Variants in CASKIN1 observed in about 807,000 individuals in gnomAD.
The protein encoded by CASKIN1 is CASK interacting protein 1, also known as caskin-1.
A neutral mutation model predicts 117.5 loss-of-function variants in CASKIN1; 42 were observed. That is an observed-to-expected ratio of 0.36 (90% CI 0.28 to 0.46). CASKIN1 has a LOEUF of 0.46. Ranked by LOEUF, CASKIN1 falls within the 20% of genes least tolerant of loss-of-function variation. CASKIN1 has a pLI of 1.00. For missense variants in CASKIN1, 2,083 were observed against 2,077.3 expected, an observed-to-expected ratio of 1.00 and a Z score of -0.05; for synonymous variants, 1,148 against 961.7, an observed-to-expected ratio of 1.19 and a Z score of -3.59.
intron 3 of CASKIN1, 37 bp downstream of exon 3, chr16:2,190,036 G>GCCCCCC: frequency 1.5e-6 from 1 of 679,794 alleles, no homozygotes; most frequent in Non-Finnish European, 2.6e-6. Flanking sequence ...CGCTGCCCCC[G>GCCCCCC]CCCCTGCCCC....
At position 2,190,408 on chromosome 16, in the gene CASKIN1, G is replaced by T. The variant is rs2093198448; in HGVS notation, c.95-50C>A. 2.0e-6 allele frequency: 3 copies of T among 1,526,556 alleles called. No individual in the cohort carries two copies. The East Asian group carries it at 7.3e-5, about 37-fold the overall frequency. 94.6% of individuals were successfully genotyped at this position (1,526,556 alleles called of 1,614,324 possible). On this transcript the variant is annotated intron_variant, in intron 1 of 19. Coordinates refer to ENST00000343516, the MANE Select transcript of CASKIN1 (RefSeq NM_020764.4). ...AGGGGAGGCTGTGCCAGCCCCTCCA[G>T]GCGGCCTGAGGGCAGGGAGAGGGGG...
chr16:2,180,945 G>A lies in CASKIN1; in HGVS notation c.2423C>T (p.Pro808Leu), dbSNP rs199591799. The change falls in exon 18 of 20, where the codon CCG becomes CTG. Residue 808 changes from proline (P) to leucine (L), a missense_variant. Pro to Leu is a moderately conservative substitution (Grantham distance 98). This residue lies in a region of CASKIN1 where 1,818 missense variants were observed against 1,688.9 expected (regional missense o/e 1.08). Transcript: ENST00000343516. ...GCGCTCTGTCGGCGGCAGCAGCTGC[G>A]GGGTGGGCTTCACCTTGGCCGTAGC... ...APATAKVKPT[P>L]QLLPPTERPM... 6.7e-5 allele frequency: 98 copies of A among 1,464,008 alleles called. No individual in the cohort carries two copies. The African/African-American group carries it at 1.1e-3, about 17-fold the overall frequency. The allele number at this position is 1,464,008 out of a possible 1,614,324, so 90.7% of individuals were successfully genotyped here. A position where few individuals can be genotyped will look rare whatever the true frequency, so the allele number is the denominator to read the frequency against.
In CASKIN1 at chr16:2,183,699, C is replaced by G. The variant is rs368872259; in HGVS notation, c.1576G>C (p.Ala526Pro). Residue 526 changes from alanine (A) to proline (P), a missense_variant, in exon 16 of 20, where the codon GCG becomes CCG. Physicochemically the swap from Ala to Pro is conservative, Grantham distance 27. Around this residue, in one of 3 missense-constraint regions of CASKIN1, gnomAD observed 1,818 missense variants for 1,688.9 expected, o/e 1.08. Coordinates refer to ENST00000343516, the MANE Select transcript of CASKIN1 (RefSeq NM_020764.4). ...ATGCTTAGGCCGCTGATCTCTGCCG[C>G]GATCTTCTTCCGGTGGCCCGGCTTG... ...VTKPGHRKKI[A>P]AEISGLSIPD... is the part of the protein sequence containing the mutation. The G allele has an allele frequency of 6.2e-7, 1 of 1,613,372 alleles. No individual in the cohort carries two copies.
At chr16:2,193,927 G>A (rs1377908815) in intron 1 of CASKIN1, among the ~76,000 whole-genome samples, 1 of 152,190 alleles carries the variant, frequency 6.6e-6, no homozygotes, top group Admixed American at 6.5e-5. Flanking sequence ...CCTGGAAACG[G>A]GTTCTCTGGA....
intron 10 of CASKIN1, among the ~76,000 whole-genome samples, chr16:2,185,692 G>T (rs762362808): frequency 8.5e-5 from 13 of 152,222 alleles, no homozygotes; most frequent in Non-Finnish European, 1.8e-4. Context: ...ACTGGGGAGT[G>T]GGGGGCAGGC....
intron 19 of CASKIN1, 30 bp downstream of exon 19, chr16:2,178,872 T>A (rs977256592): frequency 7.4e-7 from 1 of 1,354,676 alleles, no homozygotes; most frequent in African/African-American, 1.7e-5. Context: ...AGCCCCGCCC[T>A]CCGCCCGCCA....
intron 6 of CASKIN1, among the ~76,000 whole-genome samples, chr16:2,188,383 C>G (rs1289423013): frequency 2.0e-5 from 3 of 150,812 alleles, no homozygotes; most frequent in Non-Finnish European, 4.4e-5. Context: ...CAGGGTCTTG[C>G]TGTGTCACCC....
chr16:2,178,740 G>A (rs1283846231), intron 19 of CASKIN1, 94 bp from the exon 20 acceptor site: 1 of 1,352,646 alleles, frequency 7.4e-7, no homozygotes, highest in Non-Finnish European at 9.7e-7. Context: ...ATCTCCGTCG[G>A]CTTCCGCCTA....
At position 2,183,799 on chromosome 16, in the gene CASKIN1, C is replaced by G. The variant is rs749082953; in HGVS notation, c.1527+32G>C. 1.1e-5 allele frequency: 18 copies of G among 1,611,648 alleles called. 1 individual carries two copies. The Admixed American group carries it at 1.5e-4, about 13-fold the overall frequency. ...AGGGGCTGGGCCCATCTGTGGGACG[C>G]AGCTGGCGCTGGCGGCGCATGGAAA... On this transcript the variant is annotated intron_variant, in intron 15 of 19. Coordinates refer to ENST00000343516, the MANE Select transcript of CASKIN1 (RefSeq NM_020764.4).
chr16:2,187,182 G>A lies in CASKIN1; in HGVS notation c.819C>T (p.Ile273=), dbSNP rs1241203082. 6.2e-7 allele frequency: 1 copy of A among 1,613,928 alleles called. No individual in the cohort carries two copies. The highest frequency in any genetic ancestry group is 2.2e-5 in the East Asian group (1 of 44,856). ...QFTTSQASRE[I]KQLLREASAA... ...TGGGCCCACCTCGCAACAGCTGCTT[G>A]ATCTCCCTGCTGGCCTGGGACGTGG... Residue 273 remains isoleucine (I), a synonymous_variant, in exon 8 of 20, where the codon ATC becomes ATT. Transcript: ENST00000343516.
chr16:2,180,083 A>G lies in CASKIN1; in HGVS notation c.3285T>C (p.Thr1095=). ...AGGGACCCCGAGGCCGCTGCCGGCC[A>G]GTGCCATCCTCCACAAAGGGGCCTG... The part of the protein sequence containing the change: ...ADPGPFVEDG[T]GRQRPRGPSK... Residue 1095 remains threonine, a synonymous_variant, in exon 18 of 20, where the codon ACT becomes ACC. Transcript: ENST00000343516. 6.4e-7 allele frequency: 1 copy of G among 1,566,928 alleles called. No individual in the cohort carries two copies. Among genetic ancestry groups the G allele is most frequent in the Non-Finnish European group, 8.6e-7 (1 of 1,156,896 alleles).
rs1567260152 is a variant in CASKIN1, at chr16:2,183,644, A to C, written c.1629+2T>G. ...CAGCCCCTGGGATGCAGGTGGCCTT[A>C]CGGGTTTGTGCTCAGGCAGCCAGTC... On this transcript the variant is annotated splice_donor_variant, in intron 16 of 19. Transcript: ENST00000343516. LOFTEE classifies it high-confidence loss of function. 2 of 1,612,636 alleles carry C rather than the reference A, an allele frequency of 1.2e-6. No individual in the cohort carries two copies. Among genetic ancestry groups the C allele is most frequent in the Non-Finnish European group, 1.7e-6 (2 of 1,179,692 alleles).
chr16:2,183,989 C>A (rs2093176115), intron 14 of CASKIN1, 48 bp from the exon 15 acceptor site: 1 of 1,313,388 alleles, frequency 7.6e-7, no homozygotes, highest in African/African-American at 1.5e-5. Context: ...CCGGCCGCGC[C>A]CTGCCACCAC....
chr16:2,196,456 G>C lies in CASKIN1; in HGVS notation c.-24C>G. On this transcript the variant is annotated 5_prime_UTR_variant, in exon 1 of 20. Coordinates refer to ENST00000343516, the MANE Select transcript of CASKIN1 (RefSeq NM_020764.4). The surrounding 1 kb of genome is among the most constrained non-coding windows in gnomAD (Gnocchi z 5.7). ...ATGGCGCGGCCGGGGCCGCAGCGAC[G>C]CGGCTGCGCTCGTGAGCTCGGCGCG... 1 of 1,181,530 alleles carries C rather than the reference G, an allele frequency of 8.5e-7. No homozygotes were observed. The highest frequency in any genetic ancestry group is 1.1e-6 in the Non-Finnish European group (1 of 944,026). 73.2% of individuals were successfully genotyped at this position (1,181,530 alleles called of 1,614,324 possible). A position where few individuals can be genotyped will look rare whatever the true frequency, so the allele number is the denominator to read the frequency against.
chr16:2,190,031 C>A, intron 3 of CASKIN1, 42 bp downstream of exon 3: 1 of 1,317,182 alleles, frequency 7.6e-7, no homozygotes, highest in Non-Finnish European at 1.1e-6. Context: ...CCCCTCGCTG[C>A]CCCCGCCCCT....
chr16:2,180,705 G>C lies in CASKIN1; in HGVS notation c.2663C>G (p.Ala888Gly). The change falls in exon 18 of 20, where the codon GCG becomes GGG. Residue 888 changes from alanine (A) to glycine (G), a missense_variant. Ala to Gly is a moderately conservative substitution (Grantham distance 60). Around this residue, in one of 3 missense-constraint regions of CASKIN1, gnomAD observed 1,818 missense variants for 1,688.9 expected, o/e 1.08. Coordinates refer to ENST00000343516, the MANE Select transcript of CASKIN1 (RefSeq NM_020764.4). ...KRAHSLNRYAASDSEPERDEL... is the reference protein window; with the variant it reads ...KRAHSLNRYAGSDSEPERDEL... Reference sequence around the variant, plus strand: ...GTCCCGCTCCGGCTCGCTGTCGGACGCCGCATAGCGATTCAGGCTGTGGGC... The same window carrying C: ...GTCCCGCTCCGGCTCGCTGTCGGACCCCGCATAGCGATTCAGGCTGTGGGC... 1 of 1,480,152 alleles carries C rather than the reference G, an allele frequency of 6.8e-7. No homozygotes were observed. The highest frequency in any genetic ancestry group is 8.9e-7 in the Non-Finnish European group (1 of 1,121,844). The allele number at this position is 1,480,152 out of a possible 1,614,324, so 91.7% of individuals were successfully genotyped here.
Position 2,186,679 on chromosome 16 carries a change from C to G in CASKIN1, c.1048+28G>C, listed in dbSNP as rs772283084. On this transcript the variant is annotated intron_variant, in intron 10 of 19. Coordinates refer to ENST00000343516, the MANE Select transcript of CASKIN1 (RefSeq NM_020764.4). ...AGCCCCCAAGCCCAGGGGCTCCTGC[C>G]TGCCCCCCAGGGTGGGGTGGAACTT... The G allele has an allele frequency of 5.0e-6, 8 of 1,591,744 alleles. No homozygotes were observed. The South Asian group carries it at 8.9e-5, about 18-fold the overall frequency.
intron 1 of CASKIN1, among the ~76,000 whole-genome samples, chr16:2,192,716 C>T (rs969922315): frequency 1.6e-4 from 25 of 152,198 alleles, no homozygotes; most frequent in African/African-American, 5.8e-4. Flanking sequence ...GTGCCTGGCT[C>T]TGCAGCCCTC....
At position 2,177,923 on chromosome 16, in the gene CASKIN1, G is replaced by A; in HGVS notation, c.*627C>T. 2.9e-6 allele frequency: 1 copy of A among 345,980 alleles called. No homozygotes were observed. Among genetic ancestry groups the A allele is most frequent in the Non-Finnish European group, 5.4e-6 (1 of 184,502 alleles). 21.4% of individuals were successfully genotyped at this position (345,980 alleles called of 1,614,324 possible). On this transcript the variant is annotated 3_prime_UTR_variant, in exon 20 of 20. Coordinates refer to ENST00000343516, the MANE Select transcript of CASKIN1 (RefSeq NM_020764.4). ...CAGCCTGGGGCCTCCACTCTGGCCG[G>A]AGGAAGGACCGCAGGCAGACAGCCT...
Sources: gnomAD v4.1 joint callset for allele counts (sites outside exome capture counted in the v4.1 genomes callset) on GRCh38, gnomAD v4.1.1 for gene constraint, gnomAD v4.1.1 regional missense constraint, Gnocchi (gnomAD v3.1) non-coding constraint, MANE v1.5 for transcripts, NCBI Gene and HGNC (gene_info 2026-07-23, HGNC 2026-07-21) for gene names.